The following CCDC126 variants were observed in gnomAD, a reference collection of about 807,000 sequenced individuals.
CCDC126 encodes coiled-coil domain containing 126, also known as coiled-coil domain-containing protein 126.
In CCDC126, 5 loss-of-function variants were observed where a neutral mutation model predicts 11.7. The observed-to-expected ratio is 0.43, with a 90% CI of 0.22 to 0.90. The LOEUF is 0.90. CCDC126 is among the 40% of genes least tolerant of loss of function. The pLI is 0.27. For synonymous variants in CCDC126, 60 were observed against 61.9 expected, an observed-to-expected ratio of 0.97 and a Z score of 0.14; for missense variants, 150 against 163.1, an observed-to-expected ratio of 0.92 and a Z score of 0.44.
chr7:23,601,448 C>T (rs1277429019), intron 2 of CCDC126, among the ~76,000 whole-genome samples: 1 of 152,184 alleles, frequency 6.6e-6, no homozygotes, highest in Non-Finnish European at 1.5e-5. Flanking sequence ...GGAAATTTAA[C>T]AAAACAAAAT....
chr7:23,621,614 A>G (rs925892339), intron 3 of CCDC126, among the ~76,000 whole-genome samples: 4 of 152,152 alleles, frequency 2.6e-5, no homozygotes, highest in African/African-American at 4.8e-5. Context: ...TTCCAACACT[A>G]TGTTGAATAG....
chr7:23,637,790 G>GT (rs1191700850), intron 3 of CCDC126, among the ~76,000 whole-genome samples: 1 of 100,820 alleles, frequency 9.9e-6, no homozygotes, highest in South Asian at 4.1e-4. Context: ...AGTCCGGGAG[G>GT]GAGGCGGGGA....
At chr7:23,606,848 A>C (rs1782630920) in intron 2 of CCDC126, among the ~76,000 whole-genome samples, 1 of 152,060 alleles carries the variant, frequency 6.6e-6, no homozygotes, top group South Asian at 2.1e-4. Flanking sequence ...AGGCAGGAGG[A>C]TCACGTGAGG....
At chr7:23,623,632 T>C (rs982065498) in intron 3 of CCDC126, among the ~76,000 whole-genome samples, 3 of 150,728 alleles carry the variant, frequency 2.0e-5, no homozygotes, top group Non-Finnish European at 4.4e-5. Context: ...GGTCAAAGGG[T>C]ACAAAATCTC....
At chr7:23,610,160 A>G (rs952729568) in intron 2 of CCDC126, among the ~76,000 whole-genome samples, 1 of 152,154 alleles carries the variant, frequency 6.6e-6, no homozygotes, top group Non-Finnish European at 1.5e-5. Flanking sequence ...CTCATTTAAA[A>G]TTTGGAATTG....
At chr7:23,624,018 G>A (rs1336206393) in intron 3 of CCDC126, among the ~76,000 whole-genome samples, 3 of 152,044 alleles carry the variant, frequency 2.0e-5, no homozygotes, top group Non-Finnish European at 4.4e-5. Flanking sequence ...AAATTTCTGG[G>A]ACCTTTCGGG....
intron 2 of CCDC126, among the ~76,000 whole-genome samples, chr7:23,607,914 T>A (rs1397071161): frequency 1.3e-5 from 2 of 152,202 alleles, no homozygotes. Flanking sequence ...CGGTGGTCTT[T>A]CTGACAGGCT....
intron 3 of CCDC126, chr7:23,622,346 A>G (rs550720913): frequency 3.7e-6 from 1 of 267,308 alleles, no homozygotes; most frequent in East Asian, 1.2e-4. Flanking sequence ...CATTTCTTCT[A>G]GATTTTCTAG....
intron 3 of CCDC126, among the ~76,000 whole-genome samples, chr7:23,639,341 G>T (rs1403196218): frequency 6.6e-6 from 1 of 152,012 alleles, no homozygotes; most frequent in Admixed American, 6.6e-5. Context: ...ACAGACATGT[G>T]CCATCACGCC....
At chr7:23,615,061 C>G (rs6965057) in intron 3 of CCDC126, among the ~76,000 whole-genome samples, 9,307 of 152,228 alleles carry the variant, frequency 0.061, 835 homozygotes, top group African/African-American at 0.19. Context: ...TGACTTCTCA[C>G]TAGCTATGAA....
At chr7:23,599,163 T>G (rs1194623389) in intron 2 of CCDC126, among the ~76,000 whole-genome samples, 1 of 152,234 alleles carries the variant, frequency 6.6e-6, no homozygotes, top group Non-Finnish European at 1.5e-5. Flanking sequence ...TCTCTGCATT[T>G]TTGACATGCT....
At chr7:23,619,658 T>C (rs1288934774) in intron 3 of CCDC126, 4 of 182,876 alleles carry the variant, frequency 2.2e-5, no homozygotes, top group Non-Finnish European at 4.5e-5. Context: ...TGTATATATG[T>C]ACCATGTTGG....
chr7:23,640,284 G>T (rs1313434293), intron 3 of CCDC126, among the ~76,000 whole-genome samples: 1 of 151,492 alleles, frequency 6.6e-6, no homozygotes, highest in Non-Finnish European at 1.5e-5. Flanking sequence ...GATCACCTGA[G>T]ATCGGGAGTT....
intron 3 of CCDC126, among the ~76,000 whole-genome samples, chr7:23,625,169 T>A (rs1343872554): frequency 1.3e-5 from 2 of 152,252 alleles, no homozygotes; most frequent in African/African-American, 4.8e-5. Context: ...TAAATGTCTT[T>A]CGTTTACTTC....
intron 3 of CCDC126, among the ~76,000 whole-genome samples, chr7:23,625,067 C>T (rs1453523437): frequency 1.3e-5 from 2 of 152,148 alleles, no homozygotes; most frequent in Non-Finnish European, 2.9e-5. Flanking sequence ...TATTCTCAAA[C>T]TTCTGGAATC....
At chr7:23,631,302 G>GA (rs1392530564) in intron 3 of CCDC126, among the ~76,000 whole-genome samples, 23 of 152,104 alleles carry the variant, frequency 1.5e-4, no homozygotes, top group African/African-American at 5.1e-4. Context: ...CATCAGGAAT[G>GA]AAAAAATGAA....
At chr7:23,613,754 T>C (rs1200063903) in intron 3 of CCDC126, among the ~76,000 whole-genome samples, 1 of 152,226 alleles carries the variant, frequency 6.6e-6, no homozygotes, top group Non-Finnish European at 1.5e-5. Context: ...AGAGATACTG[T>C]GGATTCTGTT....
At chr7:23,639,489 G>A (rs141140198) in intron 3 of CCDC126, among the ~76,000 whole-genome samples, 1,617 of 152,278 alleles carry the variant, frequency 0.011, 31 homozygotes, top group African/African-American at 0.037. Flanking sequence ...ACAGGCGTGA[G>A]CCATCGCACC....
chr7:23,617,102 A>G (rs1782805926), intron 3 of CCDC126, among the ~76,000 whole-genome samples: 1 of 151,912 alleles, frequency 6.6e-6, no homozygotes, highest in Non-Finnish European at 1.5e-5. Flanking sequence ...TAATCCTAGC[A>G]CTTTGGGAGG....
Sources: gnomAD v4.1 joint callset for allele counts (sites outside exome capture counted in the v4.1 genomes callset) on GRCh38, gnomAD v4.1.1 for gene constraint, MANE v1.5 for transcripts, NCBI Gene and HGNC (gene_info 2026-07-23, HGNC 2026-07-21) for gene names.